The following H2BC14 variants were observed in gnomAD, a reference collection of about 807,000 sequenced individuals.
H2BC14 encodes the protein histone H2B type 1-M.
H2BC14 carries 17 observed loss-of-function variants against 6.3 expected under a neutral mutation model. That is an observed-to-expected ratio of 2.70 (90% CI 1.84 to 4.04). H2BC14 has a LOEUF of 4.04. H2BC14 is among the 30% of genes most tolerant of loss of function. The pLI, the probability that H2BC14 is intolerant of heterozygous loss-of-function variation, is 0.00. For synonymous variants in H2BC14, 131 were observed against 69.0 expected (o/e 1.90, Z -4.45); for missense variants, 235 against 165.1 (o/e 1.42, Z -2.32).
In H2BC14 at chr6:27,815,029, ATTT is replaced by A. The variant is rs751267423; in HGVS notation, c.-13_-11del. On this transcript the variant is annotated 5_prime_UTR_variant, in exon 1 of 1. The change creates a new upstream start codon in the 5' untranslated region. Coordinates refer to ENST00000621112, the MANE Select transcript of H2BC14 (RefSeq NM_003521.3). ...CGAAACAGCCCTAAGGTTGTCTTTT[ATTT>A]TGTTTTCCACCATGCCTGAACCAGT... is the stretch of plus-strand genomic sequence containing the variant. 5.0e-5 allele frequency: 79 copies of A among 1,573,482 alleles called. No individual in the cohort carries two copies. Among genetic ancestry groups the A allele is most frequent in the Non-Finnish European group, 6.6e-5 (77 of 1,164,658 alleles).
rs1229544331 is a variant in H2BC14 at position 27,815,234 on chromosome 6, A to G, written c.191A>G (p.Asn64Ser). 3.1e-6 allele frequency: 5 copies of G among 1,614,036 alleles called. No homozygotes were observed. Among genetic ancestry groups the G allele is most frequent in the Non-Finnish European group, 4.2e-6 (5 of 1,179,998 alleles). The change falls in exon 1 of 1, where the codon AAC becomes AGC. Residue 64 changes from asparagine to serine, a missense_variant. Coordinates refer to ENST00000621112, the MANE Select transcript of H2BC14 (RefSeq NM_003521.3). ...GISSKAMGIM[N>S]SFVNDIFERI... ...TCTTCCAAGGCTATGGGAATCATGA[A>G]CTCCTTCGTCAACGACATCTTTGAG...
Position 27,815,248 on chromosome 6 carries a change from G to A in H2BC14, c.205G>A (p.Asp69Asn). The change falls in exon 1 of 1, where the codon GAC (aspartate) becomes AAC (asparagine). Residue 69 changes from aspartate to asparagine, a missense_variant. Asp to Asn is a conservative substitution (Grantham distance 23, BLOSUM62 1). Coordinates refer to ENST00000621112, the MANE Select transcript of H2BC14 (RefSeq NM_003521.3). ...GGGAATCATGAACTCCTTCGTCAACGACATCTTTGAGCGTATCGCCGGAGA... is the reference window on the plus strand; with the variant it reads ...GGGAATCATGAACTCCTTCGTCAACAACATCTTTGAGCGTATCGCCGGAGA... ...AMGIMNSFVN[D>N]IFERIAGEAS... is the part of the protein sequence containing the mutation. The A allele has an allele frequency of 6.2e-7, 1 of 1,614,176 alleles. No homozygotes were observed. Among genetic ancestry groups the A allele is most frequent in the South Asian group, 1.1e-5 (1 of 91,088 alleles).
At position 27,815,176 on chromosome 6, in the gene H2BC14, G is replaced by A; in HGVS notation, c.133G>A (p.Val45Met). 6.2e-7 allele frequency: 1 copy of A among 1,614,186 alleles called. No homozygotes were observed. The highest frequency in any genetic ancestry group is 8.5e-7 in the Non-Finnish European group (1 of 1,180,044). ...GAGCTACTCTGTGTATGTGTACAAG[G>A]TGCTGAAGCAGGTCCACCCCGACAC... Reference protein sequence around the residue: ...KESYSVYVYKVLKQVHPDTGI... With the variant: ...KESYSVYVYKMLKQVHPDTGI... The change falls in exon 1 of 1, where the codon GTG becomes ATG. Residue 45 changes from valine (V) to methionine (M), a missense_variant. Val to Met is a conservative substitution (Grantham distance 21, BLOSUM62 1). Transcript: ENST00000621112.
rs201788889 is a variant in H2BC14, at chr6:27,815,083, G to A, written c.40G>A (p.Gly14Ser). 3 of 1,613,574 alleles carry A rather than the reference G, an allele frequency of 1.9e-6. No homozygotes were observed. The highest frequency in any genetic ancestry group is 4.5e-5 in the East Asian group (2 of 44,886). ...CAAATCTGCTCCAGTCCCTAAAAAAGGCTCCAAGAAGGCCATTAACAAGGC... is the reference window on the plus strand; with the variant it reads ...CAAATCTGCTCCAGTCCCTAAAAAAAGCTCCAAGAAGGCCATTAACAAGGC... Reference protein sequence around the residue: ...PVKSAPVPKKGSKKAINKAQK... With the variant: ...PVKSAPVPKKSSKKAINKAQK... Residue 14 changes from glycine to serine, a missense_variant, in exon 1 of 1, where the codon GGC becomes AGC. Transcript: ENST00000621112.
At position 27,815,090 on chromosome 6, in the gene H2BC14, A is replaced by G; in HGVS notation, c.47A>G (p.Lys16Arg). The G allele has an allele frequency of 6.2e-7, 1 of 1,613,932 alleles. No individual in the cohort carries two copies. The highest frequency in any genetic ancestry group is 8.5e-7 in the Non-Finnish European group (1 of 1,179,898). Residue 16 changes from lysine to arginine, a missense_variant, in exon 1 of 1, where the codon AAG becomes AGG. Physicochemically the swap from Lys to Arg is conservative, Grantham distance 26. Transcript: ENST00000621112. The part of the protein sequence containing the change: ...KSAPVPKKGS[K>R]KAINKAQKKD... ...GCTCCAGTCCCTAAAAAAGGCTCCA[A>G]GAAGGCCATTAACAAGGCTCAGAAG...
chr6:27,815,076 T>C lies in H2BC14; in HGVS notation c.33T>C (p.Pro11=), dbSNP rs1561925913. The C allele has an allele frequency of 6.2e-7, 1 of 1,613,138 alleles. No individual in the cohort carries two copies. The highest frequency in any genetic ancestry group is 1.7e-5 in the Admixed American group (1 of 59,944). The part of the protein sequence containing the change: MPEPVKSAPV[P]KKGSKKAINK... ...AACCAGTCAAATCTGCTCCAGTCCC[T>C]AAAAAAGGCTCCAAGAAGGCCATTA... The change falls in exon 1 of 1, where the codon CCT becomes CCC. Residue 11 remains proline (P), a synonymous_variant. Coordinates refer to ENST00000621112, the MANE Select transcript of H2BC14 (RefSeq NM_003521.3).
rs1271728908 is a variant in H2BC14 at position 27,815,366 on chromosome 6, C to G, written c.323C>G (p.Ala108Gly). ...CGCCTACTGCTACCCGGGGAATTGGCCAAGCACGCCGTGTCCGAGGGCACC... is the reference window on the plus strand; with the variant it reads ...CGCCTACTGCTACCCGGGGAATTGGGCAAGCACGCCGTGTCCGAGGGCACC... ...AVRLLLPGELAKHAVSEGTKA... is the reference protein window; with the variant it reads ...AVRLLLPGELGKHAVSEGTKA... The change falls in exon 1 of 1, where the codon GCC (alanine) becomes GGC (glycine). Residue 108 changes from alanine to glycine, a missense_variant. Physicochemically the swap from Ala to Gly is moderately conservative, Grantham distance 60 (BLOSUM62 0). Transcript: ENST00000621112. The G allele has an allele frequency of 6.2e-7, 1 of 1,614,198 alleles. No homozygotes were observed. Among genetic ancestry groups the G allele is most frequent in the South Asian group, 1.1e-5 (1 of 91,088 alleles).
In H2BC14 at chr6:27,815,465, C is replaced by A. The variant is rs756333265; in HGVS notation, c.*41C>A. ...AACAGTTCCGCCGTGACCCACACCC[C>A]AAAGGCTCTTTTCAGAGCCGTCCAC... On this transcript the variant is annotated 3_prime_UTR_variant, in exon 1 of 1. Coordinates refer to ENST00000621112, the MANE Select transcript of H2BC14 (RefSeq NM_003521.3). 1.2e-6 allele frequency: 2 copies of A among 1,605,298 alleles called. No individual in the cohort carries two copies. Among genetic ancestry groups the A allele is most frequent in the East Asian group, 2.2e-5 (1 of 44,870 alleles).
rs1760640527 is a variant in H2BC14 at position 27,815,109 on chromosome 6, T to C, written c.66T>C (p.Ala22=). ...GCTCCAAGAAGGCCATTAACAAGGCTCAGAAGAAGGATGGAAAGAAGCGCA... is the reference window on the plus strand; with the variant it reads ...GCTCCAAGAAGGCCATTAACAAGGCCCAGAAGAAGGATGGAAAGAAGCGCA... The part of the protein sequence containing the change: ...KKGSKKAINK[A]QKKDGKKRKR... The change falls in exon 1 of 1, where the codon GCT becomes GCC. Residue 22 remains alanine (A), a synonymous_variant. Transcript: ENST00000621112. 3 of 1,614,030 alleles carry C rather than the reference T, an allele frequency of 1.9e-6. No individual in the cohort carries two copies. The highest frequency in any genetic ancestry group is 2.5e-6 in the Non-Finnish European group (3 of 1,179,988).
In H2BC14 at chr6:27,815,169, G is replaced by A. The variant is rs149854426; in HGVS notation, c.126G>A (p.Val42=). 2 of 1,614,220 alleles carry A rather than the reference G, an allele frequency of 1.2e-6. No individual in the cohort carries two copies. The highest frequency in any genetic ancestry group is 1.3e-5 in the African/African-American group (1 of 75,052). The change falls in exon 1 of 1, where the codon GTG becomes GTA. Residue 42 remains valine (V), a synonymous_variant. Transcript: ENST00000621112. ...RSRKESYSVY[V]YKVLKQVHPD... is the part of the protein sequence containing the mutation. ...GCAAGGAGAGCTACTCTGTGTATGTGTACAAGGTGCTGAAGCAGGTCCACC... is the reference window on the plus strand; with the variant it reads ...GCAAGGAGAGCTACTCTGTGTATGTATACAAGGTGCTGAAGCAGGTCCACC...
In H2BC14 at chr6:27,815,037, T is replaced by G. The variant is rs1485783788; in HGVS notation, c.-7T>G. 6.3e-7 allele frequency: 1 copy of G among 1,579,378 alleles called. No individual in the cohort carries two copies. The highest frequency in any genetic ancestry group is 8.6e-7 in the Non-Finnish European group (1 of 1,168,002). ...CCCTAAGGTTGTCTTTTATTTTGTT[T>G]TCCACCATGCCTGAACCAGTCAAAT... On this transcript the variant is annotated 5_prime_UTR_variant, in exon 1 of 1. Coordinates refer to ENST00000621112, the MANE Select transcript of H2BC14 (RefSeq NM_003521.3).
In H2BC14 at chr6:27,815,272, G is replaced by T; in HGVS notation, c.229G>T (p.Glu77Ter). Residue 77 changes from glutamate to a stop codon, truncating the protein, a stop_gained, in exon 1 of 1, where the codon GAA becomes TAA. Coordinates refer to ENST00000621112, the MANE Select transcript of H2BC14 (RefSeq NM_003521.3). LOFTEE classifies it high-confidence loss of function. ...VNDIFERIAG[E>*]ASRLAHYNKR... ...CGACATCTTTGAGCGTATCGCCGGAGAAGCGTCACGCCTGGCGCATTACAA... is the reference window on the plus strand; with the variant it reads ...CGACATCTTTGAGCGTATCGCCGGATAAGCGTCACGCCTGGCGCATTACAA... 7 of 1,613,986 alleles carry T rather than the reference G, an allele frequency of 4.3e-6. No homozygotes were observed. Among genetic ancestry groups the T allele is most frequent in the Non-Finnish European group, 5.9e-6 (7 of 1,179,838 alleles).
Position 27,815,083 on chromosome 6 carries a change from G to GT in H2BC14, c.40_41insT (p.Gly14ValfsTer7), listed in dbSNP as rs1561925924. Reference sequence around the variant, plus strand: ...CAAATCTGCTCCAGTCCCTAAAAAAGGCTCCAAGAAGGCCATTAACAAGGC... The same window carrying GT: ...CAAATCTGCTCCAGTCCCTAAAAAAGTGCTCCAAGAAGGCCATTAACAAGGC... On this transcript the variant is annotated frameshift_variant, in exon 1 of 1. Transcript: ENST00000621112. LOFTEE classifies it high-confidence loss of function. 6.2e-7 allele frequency: 1 copy of GT among 1,613,574 alleles called. No individual in the cohort carries two copies. Among genetic ancestry groups the GT allele is most frequent in the Non-Finnish European group, 8.5e-7 (1 of 1,179,760 alleles).
rs763246379 is a variant in H2BC14 at position 27,815,241 on chromosome 6, C to A, written c.198C>A (p.Phe66Leu). 3.7e-6 allele frequency: 6 copies of A among 1,614,252 alleles called. No individual in the cohort carries two copies. Among genetic ancestry groups the A allele is most frequent in the Non-Finnish European group, 5.1e-6 (6 of 1,180,044 alleles). Reference sequence around the variant, plus strand: ...AGGCTATGGGAATCATGAACTCCTTCGTCAACGACATCTTTGAGCGTATCG... The same window carrying A: ...AGGCTATGGGAATCATGAACTCCTTAGTCAACGACATCTTTGAGCGTATCG... ...SSKAMGIMNSFVNDIFERIAG... is the reference protein window; with the variant it reads ...SSKAMGIMNSLVNDIFERIAG... Residue 66 changes from phenylalanine (F) to leucine (L), a missense_variant, in exon 1 of 1, where the codon TTC (phenylalanine) becomes TTA (leucine). By Grantham distance (22) the Phe-to-Leu change is conservative. Transcript: ENST00000621112.
rs767945369 is a variant in H2BC14 at position 27,815,382 on chromosome 6, C to T, written c.339C>T (p.Ser113=). The change falls in exon 1 of 1, where the codon TCC becomes TCT. Residue 113 remains serine, a synonymous_variant. Transcript: ENST00000621112. ...LPGELAKHAV[S]EGTKAVTKYT... ...GGGAATTGGCCAAGCACGCCGTGTC[C>T]GAGGGCACCAAGGCCGTCACCAAGT... 3 of 1,614,158 alleles carry T rather than the reference C, an allele frequency of 1.9e-6. No individual in the cohort carries two copies. Among genetic ancestry groups the T allele is most frequent in the Non-Finnish European group, 2.5e-6 (3 of 1,180,028 alleles).
Position 27,815,473 on chromosome 6 carries a change from C to CT in H2BC14, c.*53dup. 1.3e-6 allele frequency: 2 copies of CT among 1,586,938 alleles called. No homozygotes were observed. Among genetic ancestry groups the CT allele is most frequent in the Non-Finnish European group, 1.7e-6 (2 of 1,169,872 alleles). On this transcript the variant is annotated 3_prime_UTR_variant, in exon 1 of 1. Transcript: ENST00000621112. ...CGCCGTGACCCACACCCCAAAGGCT[C>CT]TTTTCAGAGCCGTCCACGTTTCTCA...
In H2BC14 at chr6:27,815,208, C is replaced by T; in HGVS notation, c.165C>T (p.Ile55=). Residue 55 remains isoleucine (I), a synonymous_variant, in exon 1 of 1, where the codon ATC becomes ATT. Transcript: ENST00000621112. ...AGCAGGTCCACCCCGACACCGGCAT[C>T]TCTTCCAAGGCTATGGGAATCATGA... is the stretch of plus-strand genomic sequence containing the variant. The part of the protein sequence containing the change: ...VLKQVHPDTG[I]SSKAMGIMNS... 19 of 1,614,260 alleles carry T rather than the reference C, an allele frequency of 1.2e-5. No individual in the cohort carries two copies. The highest frequency in any genetic ancestry group is 2.2e-5 in the East Asian group (1 of 44,894).
Position 27,815,113 on chromosome 6 carries a change from A to G in H2BC14, c.70A>G (p.Lys24Glu). Residue 24 changes from lysine to glutamate, a missense_variant, in exon 1 of 1, where the codon AAG becomes GAG. Lys to Glu is a moderately conservative substitution (Grantham distance 56). Transcript: ENST00000621112. Reference protein sequence around the residue: ...GSKKAINKAQKKDGKKRKRSR... With the variant: ...GSKKAINKAQEKDGKKRKRSR... ...CAAGAAGGCCATTAACAAGGCTCAG[A>G]AGAAGGATGGAAAGAAGCGCAAACG... 1 of 1,614,012 alleles carries G rather than the reference A, an allele frequency of 6.2e-7. No individual in the cohort carries two copies. Among genetic ancestry groups the G allele is most frequent in the African/African-American group, 1.3e-5 (1 of 75,034 alleles).
chr6:27,815,409 T>C lies in H2BC14; in HGVS notation c.366T>C (p.Tyr122=), dbSNP rs780895709. 5.6e-6 allele frequency: 9 copies of C among 1,614,020 alleles called. No individual in the cohort carries two copies. Among genetic ancestry groups the C allele is most frequent in the African/African-American group, 1.3e-5 (1 of 75,026 alleles). Residue 122 remains tyrosine, a synonymous_variant, in exon 1 of 1, where the codon TAT becomes TAC. Coordinates refer to ENST00000621112, the MANE Select transcript of H2BC14 (RefSeq NM_003521.3). ...AGGGCACCAAGGCCGTCACCAAGTA[T>C]ACCAGCTCCAAGTGAGCCTCTCGCT... The part of the protein sequence containing the change: ...VSEGTKAVTK[Y]TSSK
Sources: allele counts gnomAD v4.1 joint callset, GRCh38; gene constraint gnomAD v4.1.1; transcripts MANE v1.5; gene names NCBI Gene and HGNC (gene_info 2026-07-23, HGNC 2026-07-21).